The following RP1 variants were observed in gnomAD, a reference collection of about 807,000 sequenced individuals.
RP1 encodes the protein oxygen-regulated protein 1.
In RP1, 16 loss-of-function variants were observed where a neutral mutation model predicts 14.8. The observed-to-expected ratio is 1.08, with a 90% CI of 0.73 to 1.65. The LOEUF (loss-of-function observed/expected upper bound fraction) is 1.65, where lower values mean the gene tolerates loss of function less well. Among genes scored for constraint, RP1 ranks in the 40% most tolerant of loss-of-function variants. The probability of loss-of-function intolerance (pLI) is 0.00; values close to 1 mark genes in which losing one functional copy is unlikely to be tolerated. For synonymous variants in RP1, 876 were observed against 883.6 expected (o/e 0.99, Z 0.15); for missense variants, 2,631 against 2,535.0 (o/e 1.04, Z -0.81).
intron 15 of RP1, among the ~76,000 whole-genome samples, chr8:54,716,185 G>T (rs1808399136): frequency 6.6e-6 from 1 of 152,178 alleles, no homozygotes; most frequent in South Asian, 2.1e-4. Context: ...ACACAGTTTG[G>T]CTGAAAAGCC....
At chr8:54,695,031 G>A (rs926641767) in intron 12 of RP1, among the ~76,000 whole-genome samples, 10 of 152,068 alleles carry the variant, frequency 6.6e-5, no homozygotes, top group Non-Finnish European at 1.3e-4. Flanking sequence ...CTTTGTTCTC[G>A]TTGGTTTCAA....
chr8:54,821,827 A>G (rs1210058833), intron 24 of RP1, among the ~76,000 whole-genome samples: 1 of 152,156 alleles, frequency 6.6e-6, no homozygotes, highest in Non-Finnish European at 1.5e-5. Flanking sequence ...CACACCACTA[A>G]AAAGAATCAG....
intron 27 of RP1, among the ~76,000 whole-genome samples, chr8:54,863,548 G>T (rs922654994): frequency 1.3e-5 from 2 of 152,140 alleles, no homozygotes; most frequent in African/African-American, 4.8e-5. Context: ...ATGATACGAG[G>T]ATGGAATCAA....
chr8:54,614,619 T>C (rs187030524), upstream of RP1, among the ~76,000 whole-genome samples: 2 of 152,354 alleles, frequency 1.3e-5, no homozygotes, highest in Admixed American at 6.5e-5. Flanking sequence ...CAGGGATACC[T>C]GGTCTCTGTC....
chr8:54,776,847 T>G (rs918058634), intron 23 of RP1, among the ~76,000 whole-genome samples: 5 of 152,084 alleles, frequency 3.3e-5, no homozygotes, highest in African/African-American at 1.2e-4. Flanking sequence ...TGAGGTGGAG[T>G]TGAATGTACT....
At chr8:54,608,699 A>T (rs555988390) in intron 1 of RP1, among the ~76,000 whole-genome samples, 2 of 152,366 alleles carry the variant, frequency 1.3e-5, no homozygotes, top group Non-Finnish European at 2.9e-5. Context: ...TGAAGAAAAA[A>T]AGAAAATTAG....
chr8:54,618,174 C>T (rs1235113814), intron 1 of RP1, among the ~76,000 whole-genome samples: 1 of 152,194 alleles, frequency 6.6e-6, no homozygotes, highest in East Asian at 1.9e-4. Flanking sequence ...AAATGCTCCT[C>T]CACTGCTGGG....
intron 12 of RP1, among the ~76,000 whole-genome samples, chr8:54,682,392 T>C (rs1034625370): frequency 3.3e-5 from 5 of 152,086 alleles, no homozygotes; most frequent in Admixed American, 1.3e-4. Flanking sequence ...TCAACCATTG[T>C]GGAAATCAGT....
intron 24 of RP1, among the ~76,000 whole-genome samples, chr8:54,826,935 G>T (rs991914480): frequency 6.6e-6 from 1 of 152,202 alleles, no homozygotes; most frequent in Non-Finnish European, 1.5e-5. Context: ...CTGATTCTAG[G>T]CCTTGAACCT....
At chr8:54,698,346 C>CA (rs1167732226) in intron 12 of RP1, among the ~76,000 whole-genome samples, 1 of 152,188 alleles carries the variant, frequency 6.6e-6, no homozygotes, top group East Asian at 1.9e-4. Context: ...GATACCACCT[C>CA]CAGCCAGTTA....
At chr8:54,591,866 T>C (rs1805048727) in intron 1 of RP1, among the ~76,000 whole-genome samples, 1 of 152,166 alleles carries the variant, frequency 6.6e-6, no homozygotes, top group Admixed American at 6.5e-5. Context: ...CAGCCCAGGC[T>C]TACTCACAGG....
chr8:54,574,374 A>G (rs1359286509), intron 1 of RP1, among the ~76,000 whole-genome samples: 1 of 152,164 alleles, frequency 6.6e-6, no homozygotes, highest in Non-Finnish European at 1.5e-5. Flanking sequence ...TGGTGACTGC[A>G]GCACTAGGAG....
At chr8:54,811,301 G>C (rs139553528) in intron 24 of RP1, among the ~76,000 whole-genome samples, 3,940 of 152,196 alleles carry the variant, frequency 0.026, 76 homozygotes, top group South Asian at 0.058. Flanking sequence ...CTCCTGCCAG[G>C]CTGCTTCCTG....
intron 15 of RP1, among the ~76,000 whole-genome samples, chr8:54,716,827 T>G (rs1191195175): frequency 6.6e-6 from 1 of 152,228 alleles, no homozygotes; most frequent in Non-Finnish European, 1.5e-5. Context: ...TGTCCCCATG[T>G]TGCTCTAGTA....
chr8:54,746,785 A>G (rs1348628798), intron 19 of RP1, among the ~76,000 whole-genome samples: 2 of 152,176 alleles, frequency 1.3e-5, no homozygotes, highest in Non-Finnish European at 2.9e-5. Flanking sequence ...CTTTTTCTCT[A>G]GGTTTTTCTT....
chr8:54,645,911 C>T (rs981434782), intron 3 of RP1, among the ~76,000 whole-genome samples: 1 of 152,006 alleles, frequency 6.6e-6, no homozygotes, highest in Non-Finnish European at 1.5e-5. Context: ...TAAATTGAGT[C>T]TTTCCCCAAT....
chr8:54,571,558 G>C (rs942995903), intron 1 of RP1, among the ~76,000 whole-genome samples: 1 of 152,218 alleles, frequency 6.6e-6, no homozygotes, highest in Admixed American at 6.5e-5. Flanking sequence ...AGACCAGCTG[G>C]AAGGACTGGT....
At chr8:54,609,711 G>A (rs1805546446) in intron 1 of RP1, among the ~76,000 whole-genome samples, 1 of 152,034 alleles carries the variant, frequency 6.6e-6, no homozygotes, top group South Asian at 2.1e-4. Context: ...ATCCCAGGTC[G>A]CTGAGATGGA....
intron 1 of RP1, among the ~76,000 whole-genome samples, chr8:54,580,419 G>A (rs749519413): frequency 1.4e-5 from 2 of 144,270 alleles, no homozygotes; most frequent in Admixed American, 7.6e-5. Context: ...TGATTCTCCT[G>A]CCCCAGCCTC....
Sources: gnomAD v4.1 joint callset for allele counts (sites outside exome capture counted in the v4.1 genomes callset) on GRCh38, gnomAD v4.1.1 for gene constraint, MANE v1.5 for transcripts, NCBI Gene and HGNC (gene_info 2026-07-23, HGNC 2026-07-21) for gene names.